Variants in PCMT1 observed in about 807,000 individuals in gnomAD.
PCMT1 encodes protein-L-isoaspartate(D-aspartate) O-methyltransferase.
PCMT1 carries 9 observed loss-of-function variants against 29.2 expected under a neutral mutation model. The ratio of observed to expected loss-of-function variants is 0.31; its 90% CI spans 0.19 to 0.54. PCMT1 has a LOEUF of 0.54. Ranked by LOEUF, PCMT1 falls within the 20% of genes least tolerant of loss-of-function variation. The pLI is 0.95. For missense variants in PCMT1, 184 were observed against 282.2 expected, an observed-to-expected ratio of 0.65 and a Z score of 2.49; for synonymous variants, 98 against 97.5, an observed-to-expected ratio of 1.00 and a Z score of -0.03.
intron 1 of PCMT1, among the ~76,000 whole-genome samples, chr6:149,770,438 G>A (rs748267212): frequency 1.3e-5 from 2 of 152,092 alleles, no homozygotes; most frequent in Admixed American, 6.6e-5. Flanking sequence ...GGCTGGGCAC[G>A]GTGGCTCACA....
At chr6:149,772,854 A>AAT (rs1787391621) in intron 2 of PCMT1, among the ~76,000 whole-genome samples, 1 of 151,852 alleles carries the variant, frequency 6.6e-6, no homozygotes, top group Admixed American at 6.6e-5. Flanking sequence ...CGTCTCTACT[A>AAT]AAAGTACAAA....
rs1554254893 is a variant in PCMT1 at position 149,786,315 on chromosome 6, G to GGT, written c.193-3638_193-3637insTG. On this transcript the variant is annotated intron_variant, in intron 3 of 7. Transcript: ENST00000464889. ...AGGACGGGGCGGCTGGCCGGGCGGG[G>GGT]GCTGACCCCCCCACCTCCCTCCCGG... Among the ~76,000 whole-genome samples, 192 of 48,624 alleles carry GGT rather than the reference G, an allele frequency of 3.9e-3. 70 individuals are homozygous for GGT. The East Asian group carries it at 0.11, about 28-fold the overall frequency. The allele number at this position is 48,624 out of a possible 152,430, so 31.9% of individuals were successfully genotyped here.
intron 3 of PCMT1, among the ~76,000 whole-genome samples, chr6:149,780,996 TC>T (rs1787789944): frequency 6.6e-6 from 1 of 152,170 alleles, no homozygotes; most frequent in African/African-American, 2.4e-5. Flanking sequence ...TTTCTCTGCT[TC>T]CTTGTTAACA....
chr6:149,787,097 G>A (rs1161934772), intron 3 of PCMT1, among the ~76,000 whole-genome samples: 1 of 141,804 alleles, frequency 7.1e-6, no homozygotes, highest in Non-Finnish European at 1.5e-5. Context: ...CCAACACAGC[G>A]AAACCCCGTC....
rs57679254 is a variant in PCMT1, at chr6:149,755,822, T to C, written c.55+5866T>C. On this transcript the variant is annotated intron_variant, in intron 1 of 7. Transcript: ENST00000464889. Reference sequence around the variant, plus strand: ...CAGCCAAGTATAGTATGTCACATGATAAGTGACAAAGTAGGGAGGGAGGAC... The same window carrying C: ...CAGCCAAGTATAGTATGTCACATGACAAGTGACAAAGTAGGGAGGGAGGAC... Among the ~76,000 whole-genome samples the C allele has an allele frequency of 3.5e-3, 526 of 152,262 alleles. 3 individuals carry two copies. The highest frequency in any genetic ancestry group is 0.012 in the African/African-American group (499 of 41,558).
chr6:149,785,721 G>A (rs1052745467), intron 3 of PCMT1, among the ~76,000 whole-genome samples: 5 of 151,598 alleles, frequency 3.3e-5, no homozygotes, highest in Non-Finnish European at 7.4e-5. Context: ...CACAGGGTTG[G>A]GGGTAAGGTC....
At chr6:149,786,008 C>T (rs1424799392) in intron 3 of PCMT1, among the ~76,000 whole-genome samples, 1 of 150,128 alleles carries the variant, frequency 6.7e-6, no homozygotes, top group Non-Finnish European at 1.5e-5. Context: ...CCCTCACCTC[C>T]CGGACGGGGC....
chr6:149,792,620 C>T (rs531242171), intron 4 of PCMT1, among the ~76,000 whole-genome samples: 2 of 152,024 alleles, frequency 1.3e-5, no homozygotes, highest in Non-Finnish European at 2.9e-5. Context: ...TCAAGTGATC[C>T]TCACACCACA....
chr6:149,790,684 A>G (rs1788329771), intron 4 of PCMT1, among the ~76,000 whole-genome samples: 1 of 151,954 alleles, frequency 6.6e-6, no homozygotes, highest in Non-Finnish European at 1.5e-5. Flanking sequence ...TCAGGCCCAG[A>G]AGGGGAGAAG....
chr6:149,763,108 CTA>C lies in PCMT1; in HGVS notation c.56-8052_56-8051del, dbSNP rs1460809604. On this transcript the variant is annotated intron_variant, in intron 1 of 7. Transcript: ENST00000464889. Reference sequence around the variant, plus strand: ...TCTATGATATATATGATATATATATCTATGATATGTATATCTATGATATATAT... The same window carrying C: ...TCTATGATATATATGATATATATATCTGATATGTATATCTATGATATATAT... Among the ~76,000 whole-genome samples the C allele has an allele frequency of 7.9e-5, 5 of 63,580 alleles. 2 individuals are homozygous for C. Among genetic ancestry groups the C allele is most frequent in the Admixed American group, 5.0e-4 (2 of 3,962 alleles). The allele number at this position is 63,580 out of a possible 152,430, so 41.7% of individuals were successfully genotyped here. A position where few individuals can be genotyped will look rare whatever the true frequency, so the allele number is the denominator to read the frequency against.
At chr6:149,766,383 G>A (rs1112730) in intron 1 of PCMT1, among the ~76,000 whole-genome samples, 81,152 of 151,990 alleles carry the variant, frequency 0.53, 24,854 homozygotes, top group East Asian at 0.83. Context: ...GTATAAAATC[G>A]TTGGCTTACA....
chr6:149,768,956 G>T (rs1354612812), intron 1 of PCMT1, among the ~76,000 whole-genome samples: 1 of 152,016 alleles, frequency 6.6e-6, no homozygotes, highest in African/African-American at 2.4e-5. Flanking sequence ...GATGTTTTGA[G>T]AATTTTTTTC....
intron 1 of PCMT1, among the ~76,000 whole-genome samples, chr6:149,769,263 G>T (rs1471251621): frequency 2.7e-5 from 4 of 148,466 alleles, no homozygotes; most frequent in African/African-American, 1.0e-4. Context: ...GATGATATTG[G>T]TAGTGGGGAG....
intron 3 of PCMT1, among the ~76,000 whole-genome samples, chr6:149,784,109 TG>T (rs1383874947): frequency 6.6e-6 from 1 of 152,116 alleles, no homozygotes; most frequent in Non-Finnish European, 1.5e-5. Context: ...TTGAATATAT[TG>T]GGGGAAAAAA....
rs1788282626 is a variant in PCMT1 at position 149,789,857 on chromosome 6, A to G, written c.193-97A>G. 5 of 668,776 alleles carry G rather than the reference A, an allele frequency of 7.5e-6. No individual in the cohort carries two copies. In the East Asian group the frequency reaches 1.1e-4, roughly 15 times the overall value. The allele number at this position is 668,776 out of a possible 1,614,324, so 41.4% of individuals were successfully genotyped here. On this transcript the variant is annotated intron_variant, in intron 3 of 7. Transcript: ENST00000464889. ...GATAACTTGGTTATCTTGGTAGATG[A>G]CAATAGTAGAAAAATTGGTAGAAAG...
intron 3 of PCMT1, among the ~76,000 whole-genome samples, chr6:149,777,050 G>A (rs1787600076): frequency 6.6e-6 from 1 of 152,144 alleles, no homozygotes; most frequent in East Asian, 1.9e-4. Flanking sequence ...ATGGTGGATG[G>A]TTAATAAATT....
chr6:149,758,502 A>C (rs9480009), intron 1 of PCMT1, among the ~76,000 whole-genome samples: 1 of 151,422 alleles, frequency 6.6e-6, no homozygotes, highest in Non-Finnish European at 1.5e-5. Context: ...TAGCCACTGC[A>C]CCTGGCCCAA....
chr6:149,773,930 A>T (rs2115259497), intron 3 of PCMT1, among the ~76,000 whole-genome samples: 1 of 152,298 alleles, frequency 6.6e-6, no homozygotes, highest in East Asian at 1.9e-4. Flanking sequence ...CTTGAGAAAG[A>T]CTTACTTTGA....
At chr6:149,792,033 G>A (rs1429359323) in intron 4 of PCMT1, among the ~76,000 whole-genome samples, 1 of 152,188 alleles carries the variant, frequency 6.6e-6, no homozygotes, top group Non-Finnish European at 1.5e-5. Flanking sequence ...AGGAATGATA[G>A]GCCGGGTGTG....
Sources: allele counts gnomAD v4.1 joint callset (sites outside exome capture counted in the v4.1 genomes callset), GRCh38; gene constraint gnomAD v4.1.1; transcripts MANE v1.5; gene names NCBI Gene and HGNC (gene_info 2026-07-23, HGNC 2026-07-21).